The following PAFAH1B1 variants were observed in gnomAD, a reference collection of about 807,000 sequenced individuals.
The protein encoded by PAFAH1B1 is platelet-activating factor acetylhydrolase IB subunit beta.
Under a neutral mutation model 57.5 loss-of-function variants are expected in PAFAH1B1, and 2 were observed. The observed-to-expected ratio is 0.03, with a 90% confidence interval of 0.01 to 0.11. PAFAH1B1 has a LOEUF of 0.11. PAFAH1B1 is among the 10% of genes least tolerant of loss of function. The pLI is 1.00. For synonymous variants in PAFAH1B1, 152 were observed against 169.6 expected (o/e 0.90, Z 0.81); for missense variants, 257 against 512.0 (o/e 0.50, Z 4.81).
chr17:2,622,758 C>T (rs1215043082), intron 1 of PAFAH1B1, among the ~76,000 whole-genome samples: 1 of 152,216 alleles, frequency 6.6e-6, no homozygotes, highest in Non-Finnish European at 1.5e-5. Flanking sequence ...GGGGCTCTGA[C>T]CCCACATTTC....
At chr17:2,607,577 C>A (rs2068220199) in intron 1 of PAFAH1B1, among the ~76,000 whole-genome samples, 1 of 152,014 alleles carries the variant, frequency 6.6e-6, no homozygotes, top group African/African-American at 2.4e-5. Context: ...CTCCACCTCC[C>A]AGGTTCAAGC....
At chr17:2,631,086 C>T (rs1476132691) in intron 1 of PAFAH1B1, among the ~76,000 whole-genome samples, 1 of 152,016 alleles carries the variant, frequency 6.6e-6, no homozygotes, top group Non-Finnish European at 1.5e-5. Context: ...ACTAAAAATA[C>T]AAAAATTAGC....
chr17:2,637,463 C>T (rs541544573), intron 1 of PAFAH1B1, among the ~76,000 whole-genome samples: 5 of 152,086 alleles, frequency 3.3e-5, no homozygotes, highest in East Asian at 1.9e-4. Context: ...GTGTGCCTGT[C>T]GTCCCAGCTG....
intron 1 of PAFAH1B1, among the ~76,000 whole-genome samples, chr17:2,627,501 T>G (rs1364330684): frequency 2.0e-5 from 3 of 152,210 alleles, no homozygotes; most frequent in Non-Finnish European, 2.9e-5. Flanking sequence ...GGCCTTATAG[T>G]ATAGTTTGAA....
At chr17:2,652,061 AC>A (rs1258122322) in intron 2 of PAFAH1B1, among the ~76,000 whole-genome samples, 1 of 152,190 alleles carries the variant, frequency 6.6e-6, no homozygotes, top group Non-Finnish European at 1.5e-5. Flanking sequence ...CCAGAAAATT[AC>A]AATTATATAG....
At chr17:2,677,848 C>T (rs936664553) in intron 9 of PAFAH1B1, among the ~76,000 whole-genome samples, 6 of 135,694 alleles carry the variant, frequency 4.4e-5, no homozygotes, top group South Asian at 2.5e-4. Flanking sequence ...AGCGAGACTC[C>T]GCCTCAAAAA....
intron 10 of PAFAH1B1, 55 bp downstream of exon 10, chr17:2,680,375 T>A: frequency 6.7e-7 from 1 of 1,493,634 alleles, no homozygotes; most frequent in East Asian, 2.3e-5. Flanking sequence ...CCAGACAAAC[T>A]GTGTTTTACA....
At chr17:2,646,246 GT>G (rs1384938630) in intron 2 of PAFAH1B1, among the ~76,000 whole-genome samples, 17 of 152,030 alleles carry the variant, frequency 1.1e-4, no homozygotes, top group Non-Finnish European at 1.0e-4. Context: ...AAAATAGACA[GT>G]TTTTTAAAGA....
chr17:2,630,061 G>A (rs552569066), intron 1 of PAFAH1B1, among the ~76,000 whole-genome samples: 1 of 152,142 alleles, frequency 6.6e-6, no homozygotes, highest in Non-Finnish European at 1.5e-5. Flanking sequence ...TCTTTTAAGT[G>A]GAGTATTTAG....
intron 2 of PAFAH1B1, chr17:2,642,552 T>G (rs1209176860): frequency 6.6e-6 from 1 of 152,364 alleles, no homozygotes; most frequent in African/African-American, 2.4e-5. Context: ...TTCCATAATT[T>G]AGAAAAAATG....
intron 1 of PAFAH1B1, among the ~76,000 whole-genome samples, chr17:2,621,778 T>C (rs928755457): frequency 1.1e-4 from 17 of 152,052 alleles, no homozygotes; most frequent in Non-Finnish European, 2.4e-4. Context: ...TGCGCCACTA[T>C]GTCCAGCTGA....
intron 1 of PAFAH1B1, among the ~76,000 whole-genome samples, chr17:2,624,357 C>T (rs932981714): frequency 2.6e-5 from 4 of 152,266 alleles, no homozygotes; most frequent in African/African-American, 7.2e-5. Context: ...TCAGCAATTC[C>T]GCGTTCTACT....
intron 9 of PAFAH1B1, among the ~76,000 whole-genome samples, chr17:2,679,510 ATGGATGGATGGATGAT>A (rs1490520649): frequency 5.3e-5 from 7 of 132,818 alleles, no homozygotes; most frequent in African/African-American, 1.9e-4. Context: ...GATTGGATGG[ATGGATGGATGGATGAT>A]TGGATGGATG....
At chr17:2,661,703 T>C (rs1476971248) in intron 2 of PAFAH1B1, among the ~76,000 whole-genome samples, 1 of 152,200 alleles carries the variant, frequency 6.6e-6, no homozygotes, top group Admixed American at 6.6e-5. Context: ...AGCCTTTGAC[T>C]TAACCTTGTT....
chr17:2,667,333 CAA>C (rs934220950), intron 5 of PAFAH1B1, 135 bp downstream of exon 5: 194 of 472,452 alleles, frequency 4.1e-4, no homozygotes, highest in Middle Eastern at 1.1e-3. Context: ...CACTCTGTCT[CAA>C]AAAAAAAAAG....
chr17:2,642,629 A>G (rs114832220), intron 2 of PAFAH1B1, among the ~76,000 whole-genome samples: 157 of 152,296 alleles, frequency 1.0e-3, no homozygotes, highest in African/African-American at 3.8e-3. Flanking sequence ...TACTTCTCAA[A>G]TAGTTTTAGA....
upstream of PAFAH1B1, among the ~76,000 whole-genome samples, chr17:2,593,564 G>T (rs1433204988): frequency 3.3e-5 from 5 of 150,196 alleles, no homozygotes; most frequent in Non-Finnish European, 7.4e-5. Context: ...CCCGGCGCCC[G>T]CCCCTCCCTC....
At chr17:2,646,489 C>G (rs943532508) in intron 2 of PAFAH1B1, among the ~76,000 whole-genome samples, 1 of 152,004 alleles carries the variant, frequency 6.6e-6, no homozygotes, top group Non-Finnish European at 1.5e-5. Context: ...CCCATCTCTA[C>G]TAAAAATACA....
At chr17:2,604,084 C>T (rs1416807733) in intron 1 of PAFAH1B1, among the ~76,000 whole-genome samples, 1 of 151,356 alleles carries the variant, frequency 6.6e-6, no homozygotes, top group Non-Finnish European at 1.5e-5. Flanking sequence ...TCTTGTCGCC[C>T]AGGAGTGCAA....
Sources: allele counts gnomAD v4.1 joint callset (sites outside exome capture counted in the v4.1 genomes callset), GRCh38; gene constraint gnomAD v4.1.1; transcripts MANE v1.5; gene names NCBI Gene and HGNC (gene_info 2026-07-23, HGNC 2026-07-21).